Variants in WT1 observed in about 807,000 individuals in gnomAD.
WT1 encodes Wilms tumor protein.
Under a neutral mutation model 60.8 loss-of-function variants are expected in WT1, and 8 were observed. That is an observed-to-expected ratio of 0.13 (90% CI 0.08 to 0.24). WT1 has a LOEUF of 0.24. Ranked by LOEUF, WT1 falls within the 10% of genes least tolerant of loss-of-function variation. WT1 has a pLI of 1.00. For missense variants in WT1, 568 were observed against 711.8 expected, an observed-to-expected ratio of 0.80 and a Z score of 2.30; for synonymous variants, 312 against 297.1, an observed-to-expected ratio of 1.05 and a Z score of -0.52.
intron 6 of WT1, among the ~76,000 whole-genome samples, chr11:32,397,798 C>T (rs2132947060): frequency 6.6e-6 from 1 of 152,248 alleles, no homozygotes; most frequent in East Asian, 1.9e-4. Flanking sequence ...ACATACAACA[C>T]AACATTGATG....
At chr11:32,405,286 T>A (rs1486320521) in intron 5 of WT1, among the ~76,000 whole-genome samples, 1 of 152,080 alleles carries the variant, frequency 6.6e-6, no homozygotes, top group Non-Finnish European at 1.5e-5. Context: ...ACTTTTCCAT[T>A]CTCAAAGAAA....
chr11:32,389,644 G>T (rs1851758234), intron 9 of WT1, among the ~76,000 whole-genome samples: 1 of 152,120 alleles, frequency 6.6e-6, no homozygotes. Context: ...AGCTGTGACT[G>T]AAGCTTTTAA....
chr11:32,412,954 A>C (rs1852549806), intron 5 of WT1, among the ~76,000 whole-genome samples: 1 of 152,084 alleles, frequency 6.6e-6, no homozygotes, highest in Non-Finnish European at 1.5e-5. Flanking sequence ...TCATCTGCCC[A>C]TGTTCTTTAT....
intron 9 of WT1, among the ~76,000 whole-genome samples, chr11:32,389,525 A>G (rs1851755541): frequency 6.6e-6 from 1 of 152,212 alleles, no homozygotes; most frequent in African/African-American, 2.4e-5. Context: ...TGAACTGTGT[A>G]AATTTCTCCC....
chr11:32,400,246 C>T (rs1488606272), intron 5 of WT1: 11 of 655,640 alleles, frequency 1.7e-5, no homozygotes, highest in Admixed American at 1.1e-4. Flanking sequence ...CACCTCGCAG[C>T]CCCTCCCTCA....
chr11:32,415,180 T>C (rs1303934364), intron 5 of WT1, among the ~76,000 whole-genome samples: 1 of 152,334 alleles, frequency 6.6e-6, no homozygotes, highest in East Asian at 1.9e-4. Context: ...TATTACAGCA[T>C]GAAGAAGTTT....
chr11:32,428,310 CTAACG>C (rs1363340319), intron 2 of WT1, among the ~76,000 whole-genome samples, 182 bp downstream of exon 2: 1 of 152,228 alleles, frequency 6.6e-6, no homozygotes, highest in Admixed American at 6.5e-5. Flanking sequence ...GGCGATGTCC[CTAACG>C]TACTTGGGAT....
In WT1 at chr11:32,435,528, C is replaced by T. The variant is rs1410932984; in HGVS notation, c.-168G>A. 3.5e-5 allele frequency: 38 copies of T among 1,077,656 alleles called. No individual in the cohort carries two copies. The highest frequency in any genetic ancestry group is 4.7e-5 in the Non-Finnish European group (36 of 767,414). The allele number at this position is 1,077,656 out of a possible 1,614,324, so 66.8% of individuals were successfully genotyped here. A position where few individuals can be genotyped will look rare whatever the true frequency, so the allele number is the denominator to read the frequency against. On this transcript the variant is annotated 5_prime_UTR_variant, in exon 1 of 10. Transcript: ENST00000452863. Reference sequence around the variant, plus strand: ...TGTGGGCGCTGCCTTGAACTCCTTACCCCAGCTGCCTGGCTGCCCTCAGCT... The same window carrying T: ...TGTGGGCGCTGCCTTGAACTCCTTATCCCAGCTGCCTGGCTGCCCTCAGCT...
At chr11:32,429,473 C>T (rs1035525866) in intron 1 of WT1, among the ~76,000 whole-genome samples, 6 of 146,160 alleles carry the variant, frequency 4.1e-5, no homozygotes, top group South Asian at 2.3e-4. Context: ...CCCCCCCCCC[C>T]CCAAAGTGAG....
At chr11:32,397,887 T>C (rs1274862758) in intron 6 of WT1, among the ~76,000 whole-genome samples, 1 of 152,176 alleles carries the variant, frequency 6.6e-6, no homozygotes, top group Non-Finnish European at 1.5e-5. Flanking sequence ...GAATACTCAA[T>C]ACCTGTCTGG....
At chr11:32,400,752 T>C (rs887090061) in intron 5 of WT1, 5 of 158,964 alleles carry the variant, frequency 3.1e-5, no homozygotes, top group African/African-American at 9.6e-5. Context: ...AATGTTCTGT[T>C]CTAAAATTAT....
intron 1 of WT1, among the ~76,000 whole-genome samples, chr11:32,430,127 C>T (rs1853228986): frequency 6.6e-6 from 1 of 152,090 alleles, no homozygotes; most frequent in African/African-American, 2.4e-5. Flanking sequence ...AAGTCTCACA[C>T]ACTGCTCAGC....
At chr11:32,422,815 A>C (rs1852897774) in intron 3 of WT1, among the ~76,000 whole-genome samples, 1 of 152,258 alleles carries the variant, frequency 6.6e-6, no homozygotes, top group African/African-American at 2.4e-5. Flanking sequence ...AAAGTACAGC[A>C]AAAGGAAATA....
chr11:32,418,605 C>T (rs764273075), intron 3 of WT1, among the ~76,000 whole-genome samples: 4 of 152,136 alleles, frequency 2.6e-5, no homozygotes, highest in Admixed American at 6.5e-5. Flanking sequence ...ATTTAATATC[C>T]GATGTGTGGT....
At chr11:32,423,878 A>G (rs1379154211) in intron 3 of WT1, among the ~76,000 whole-genome samples, 1 of 152,242 alleles carries the variant, frequency 6.6e-6, no homozygotes, top group Non-Finnish European at 1.5e-5. Context: ...AAAGTGATAC[A>G]TTGGCCTGGT....
intron 1 of WT1, among the ~76,000 whole-genome samples, chr11:32,433,519 C>T (rs5030145): frequency 0.019 from 2,875 of 152,374 alleles, 34 homozygotes; most frequent in South Asian, 0.056. Context: ...GCTTCCCACG[C>T]ATTCCAAAAA....
At chr11:32,409,199 TG>T (rs1287413287) in intron 5 of WT1, among the ~76,000 whole-genome samples, 2 of 152,198 alleles carry the variant, frequency 1.3e-5, no homozygotes, top group Non-Finnish European at 2.9e-5. Flanking sequence ...GAGTGTGACA[TG>T]CTCCATCTCT....
At chr11:32,430,900 T>C in intron 1 of WT1, 1 of 1,128,240 alleles carries the variant, frequency 8.9e-7, no homozygotes, top group Non-Finnish European at 1.1e-6. Context: ...GGCCCAGCGC[T>C]TGGCCTGGCG....
At chr11:32,401,520 T>C (rs1852155821) in intron 5 of WT1, among the ~76,000 whole-genome samples, 2 of 151,356 alleles carry the variant, frequency 1.3e-5, no homozygotes, top group African/African-American at 4.9e-5. Flanking sequence ...GGGGGTGTGG[T>C]CCGAGAAGGA....
Sources: gnomAD v4.1 joint callset for allele counts (sites outside exome capture counted in the v4.1 genomes callset) on GRCh38, gnomAD v4.1.1 for gene constraint, MANE v1.5 for transcripts, NCBI Gene and HGNC (gene_info 2026-07-23, HGNC 2026-07-21) for gene names.